Variants in DROSHA observed in about 807,000 individuals in gnomAD.
DROSHA encodes drosha ribonuclease III.
DROSHA carries 56 observed loss-of-function variants against 181.9 expected under a neutral mutation model. The ratio of observed to expected loss-of-function variants is 0.31; its 90% CI spans 0.25 to 0.38. The LOEUF is 0.38. Among genes scored for constraint, DROSHA ranks in the 10% least tolerant of loss-of-function variants. The pLI is 1.00. For synonymous variants in DROSHA, 524 were observed against 591.2 expected (o/e 0.89, Z 1.65); for missense variants, 1,218 against 1,743.5 (o/e 0.70, Z 5.37).
intron 16 of DROSHA, among the ~76,000 whole-genome samples, chr5:31,481,282 G>A (rs868119610): frequency 6.6e-6 from 1 of 152,072 alleles, no homozygotes; most frequent in African/African-American, 2.4e-5. Context: ...GGTAAACCCT[G>A]TTTAAAAACA....
At chr5:31,484,372 C>T (rs1751460169) in intron 15 of DROSHA, among the ~76,000 whole-genome samples, 2 of 91,992 alleles carry the variant, frequency 2.2e-5, no homozygotes, top group Non-Finnish European at 3.9e-5. Flanking sequence ...CAGAGCGAGA[C>T]TCCGTCTCAA....
chr5:31,464,459 C>T (rs1561202723), intron 19 of DROSHA, 116 bp from the exon 20 acceptor site: 12 of 854,098 alleles, frequency 1.4e-5, no homozygotes, highest in Non-Finnish European at 1.1e-5. Context: ...CATTCAGATA[C>T]TCAAACCTCT....
chr5:31,431,883 C>T (rs1286469399), intron 25 of DROSHA, among the ~76,000 whole-genome samples: 1 of 152,172 alleles, frequency 6.6e-6, no homozygotes, highest in East Asian at 1.9e-4. Context: ...TAACTCAATT[C>T]TTTCCCAAAC....
chr5:31,528,920 T>C (rs1327668281), intron 4 of DROSHA, 120 bp downstream of exon 4: 1 of 1,346,774 alleles, frequency 7.4e-7, no homozygotes, highest in African/African-American at 1.4e-5. Context: ...GTTGAAAGAA[T>C]GAGCACATTA....
At chr5:31,522,854 G>A (rs1284417041) in intron 5 of DROSHA, among the ~76,000 whole-genome samples, 2 of 152,178 alleles carry the variant, frequency 1.3e-5, no homozygotes, top group Non-Finnish European at 2.9e-5. Flanking sequence ...TATCCCTGGA[G>A]TAACTTTCAT....
At chr5:31,487,915 A>T (rs1045915878) in intron 13 of DROSHA, among the ~76,000 whole-genome samples, 1 of 152,202 alleles carries the variant, frequency 6.6e-6, no homozygotes, top group Non-Finnish European at 1.5e-5. Context: ...TTCTTTGCTA[A>T]CAACTATATT....
At chr5:31,419,377 A>G (rs957255794) in intron 30 of DROSHA, among the ~76,000 whole-genome samples, 1 of 152,216 alleles carries the variant, frequency 6.6e-6, no homozygotes, top group Admixed American at 6.5e-5. Context: ...CTAGTCAAAA[A>G]CTTTCTAATA....
Position 31,410,840 on chromosome 5 carries a change from C to T in DROSHA, c.3573G>A (p.Ala1191=), listed in dbSNP as rs370430557. ...LVNNRTQAKV[A]EELGMQEYAI... ...CGTACTCCTGCATGCCCAGCTCCTC[C>T]GCTACCTTGGCCTGAGTTCTATTAT... The change falls in exon 31 of 36, where the codon GCG becomes GCA. Residue 1191 remains alanine, a synonymous_variant. Transcript: ENST00000344624. 121 of 1,613,814 alleles carry T rather than the reference C, an allele frequency of 7.5e-5. No individual in the cohort carries two copies. The highest frequency in any genetic ancestry group is 7.0e-5 in the Non-Finnish European group (82 of 1,179,836).
At chr5:31,489,060 G>C (rs1752103111) in intron 13 of DROSHA, 1 of 152,154 alleles carries the variant, frequency 6.6e-6, no homozygotes, top group Non-Finnish European at 1.5e-5. Flanking sequence ...AAACATCGAG[G>C]AGGTTCATTT....
At chr5:31,467,311 TC>T (rs1749187552) in intron 18 of DROSHA, 1 of 143,524 alleles carries the variant, frequency 7.0e-6, no homozygotes, top group Non-Finnish European at 1.5e-5. Context: ...AAAAAATAAG[TC>T]AGGAAGCTGT....
intron 23 of DROSHA, among the ~76,000 whole-genome samples, chr5:31,442,341 A>C (rs1316263141): frequency 6.6e-6 from 1 of 152,224 alleles, no homozygotes; most frequent in African/African-American, 2.4e-5. Flanking sequence ...CCAACGGTTT[A>C]TCTGGAAAAA....
At chr5:31,426,985 A>C (rs1026024962) in intron 27 of DROSHA, among the ~76,000 whole-genome samples, 2 of 152,182 alleles carry the variant, frequency 1.3e-5, no homozygotes, top group African/African-American at 4.8e-5. Context: ...AGGAGAAGAA[A>C]GCTTAGGGAC....
At chr5:31,424,540 A>C in intron 27 of DROSHA, 69 bp from the exon 28 acceptor site, 1 of 1,493,036 alleles carries the variant, frequency 6.7e-7, no homozygotes, top group Non-Finnish European at 9.0e-7. Context: ...ACTAAATAAA[A>C]TGTCATTATT....
chr5:31,403,051 C>T (rs982964351), intron 35 of DROSHA, among the ~76,000 whole-genome samples: 1 of 152,218 alleles, frequency 6.6e-6, no homozygotes, highest in Non-Finnish European at 1.5e-5. Context: ...GGATTAAAGG[C>T]ATGAGCCACC....
intron 35 of DROSHA, among the ~76,000 whole-genome samples, chr5:31,403,043 A>G (rs1053166512): frequency 1.3e-5 from 2 of 152,212 alleles, no homozygotes; most frequent in African/African-American, 4.8e-5. Context: ...AAGTGCTGGG[A>G]TTAAAGGCAT....
intron 23 of DROSHA, among the ~76,000 whole-genome samples, chr5:31,446,635 A>G (rs991555529): frequency 2.0e-5 from 3 of 150,412 alleles, no homozygotes; most frequent in Non-Finnish European, 3.0e-5. Context: ...TAAGATTAAG[A>G]TGGTAAGCCT....
Position 31,514,546 on chromosome 5 carries a change from G to A in DROSHA, c.1290+442C>T, listed in dbSNP as rs1011670596. On this transcript the variant is annotated intron_variant, in intron 8 of 35. Transcript: ENST00000344624. The surrounding 1 kb of genome is among the most constrained non-coding windows in gnomAD (Gnocchi z 4.4). ...CGTAGTTCCAGCTACTCAGGAGGCT[G>A]AAGTGGGAGAATCACTTGAGCCTGG... 5.3e-5 allele frequency among the ~76,000 whole-genome samples: 8 copies of A among 152,148 alleles called. No individual in the cohort carries two copies. The highest frequency in any genetic ancestry group is 5.2e-4 in the Admixed American group (8 of 15,282).
intron 20 of DROSHA, 75 bp from the exon 21 acceptor site, chr5:31,451,715 C>T: frequency 8.1e-7 from 1 of 1,240,700 alleles, no homozygotes; most frequent in Non-Finnish European, 1.1e-6. Flanking sequence ...TACAACAAGC[C>T]AGAACCATTT....
Position 31,451,607 on chromosome 5 carries a change from T to C in DROSHA, c.2608A>G (p.Ile870Val), listed in dbSNP as rs1352370629. 9.3e-6 allele frequency: 15 copies of C among 1,612,890 alleles called. No individual in the cohort carries two copies. The highest frequency in any genetic ancestry group is 1.2e-5 in the Non-Finnish European group (14 of 1,179,428). ...AMMLPVLTHHIRYHQCLMHLD... is the reference protein window; with the variant it reads ...AMMLPVLTHHVRYHQCLMHLD... ...TGCATTAGGCATTGGTGGTAGCGGA[T>C]ATGATGGGTCAGAACAGGTAGCATC... Residue 870 changes from isoleucine (I) to valine (V), a missense_variant, in exon 21 of 36, where the codon ATC becomes GTC. Ile to Val is a conservative substitution (Grantham distance 29, BLOSUM62 3). Around this residue, in one of 8 missense-constraint regions of DROSHA, gnomAD observed 460 missense variants for 774.2 expected, o/e 0.59. Transcript: ENST00000344624.
Sources: gnomAD v4.1 joint callset for allele counts (sites outside exome capture counted in the v4.1 genomes callset) on GRCh38, gnomAD v4.1.1 for gene constraint, gnomAD v4.1.1 regional missense constraint, Gnocchi (gnomAD v3.1) non-coding constraint, MANE v1.5 for transcripts, NCBI Gene and HGNC (gene_info 2026-07-23, HGNC 2026-07-21) for gene names.